The following TMPRSS11F variants were observed in gnomAD, a reference collection of about 807,000 sequenced individuals.
The protein encoded by TMPRSS11F is transmembrane protease serine 11F.
In TMPRSS11F, 47 loss-of-function variants were observed where a neutral mutation model predicts 60.2. That is an observed-to-expected ratio of 0.78 (90% CI 0.62 to 1.00). The LOEUF is 1.00. Among genes scored for constraint, TMPRSS11F ranks in the 50% least tolerant of loss-of-function variants. The pLI, the probability that TMPRSS11F is intolerant of heterozygous loss-of-function variation, is 0.00. For synonymous variants in TMPRSS11F, 166 were observed against 167.3 expected (o/e 0.99, Z 0.06); for missense variants, 519 against 522.9 (o/e 0.99, Z 0.07).
intron 1 of TMPRSS11F, among the ~76,000 whole-genome samples, chr4:68,127,452 C>T (rs1412066996): frequency 1.3e-5 from 2 of 152,010 alleles, no homozygotes; most frequent in Non-Finnish European, 2.9e-5. Flanking sequence ...TTATCTCTGC[C>T]TCACTTGCAG....
intron 2 of TMPRSS11F, among the ~76,000 whole-genome samples, chr4:68,098,062 T>G (rs1340317288): frequency 6.6e-6 from 1 of 152,128 alleles, no homozygotes; most frequent in African/African-American, 2.4e-5. Flanking sequence ...CCCAGCACTT[T>G]GGGAGGCTGG....
intron 8 of TMPRSS11F, chr4:68,062,415 A>G (rs1342589912): frequency 1.7e-6 from 1 of 595,714 alleles, no homozygotes; most frequent in African/African-American, 1.8e-5. Context: ...ATAGAACTTA[A>G]AGCATTTTGG....
In TMPRSS11F at chr4:68,072,476, G is replaced by T; in HGVS notation, c.361C>A (p.Gln121Lys). 1 of 1,546,936 alleles carries T rather than the reference G, an allele frequency of 6.5e-7. No homozygotes were observed. Among genetic ancestry groups the T allele is most frequent in the Non-Finnish European group, 8.7e-7 (1 of 1,142,876 alleles). ...AGCACTATAAGAATATCCACACCTT[G>T]TTCATCTGGACTGAAGAACAAAAAA... Reference protein sequence around the residue: ...SHVIKLSPDEQGVDILIVLIF... With the variant: ...SHVIKLSPDEKGVDILIVLIF... The change falls in exon 5 of 10, where the codon CAA (glutamine) becomes AAA (lysine). Residue 121 changes from glutamine to lysine, a missense_variant. By Grantham distance (53) the Gln-to-Lys change is moderately conservative. Coordinates refer to ENST00000356291, the MANE Select transcript of TMPRSS11F (RefSeq NM_207407.2).
At chr4:68,113,859 T>A (rs1434275817) in intron 1 of TMPRSS11F, among the ~76,000 whole-genome samples, 2 of 151,758 alleles carry the variant, frequency 1.3e-5, no homozygotes, top group Non-Finnish European at 2.9e-5. Flanking sequence ...ACAAAACTAA[T>A]AAAAAAAGAG....
At chr4:68,090,726 G>A (rs1427992320) in intron 2 of TMPRSS11F, 85 bp from the exon 3 acceptor site, 5 of 1,511,554 alleles carry the variant, frequency 3.3e-6, no homozygotes, top group Admixed American at 2.4e-5. Flanking sequence ...CTGCTAAATA[G>A]GCTACAATAA....
chr4:68,067,651 C>T (rs899746579), intron 7 of TMPRSS11F, among the ~76,000 whole-genome samples: 10 of 152,176 alleles, frequency 6.6e-5, no homozygotes, highest in Admixed American at 3.3e-4. Context: ...CCAGTTATTT[C>T]GGTAGTTGTA....
chr4:68,064,394 C>T (rs1723276071), intron 8 of TMPRSS11F, among the ~76,000 whole-genome samples: 1 of 152,010 alleles, frequency 6.6e-6, no homozygotes, highest in African/African-American at 2.4e-5. Flanking sequence ...ACCATGTTGG[C>T]CAGGTGTGTC....
chr4:68,060,104 A>C (rs976276587), intron 8 of TMPRSS11F, among the ~76,000 whole-genome samples: 1 of 152,096 alleles, frequency 6.6e-6, no homozygotes, highest in African/African-American at 2.4e-5. Flanking sequence ...AGTTAGCTGT[A>C]AGAGACTTTT....
At chr4:68,086,075 A>G (rs529683204) in intron 3 of TMPRSS11F, among the ~76,000 whole-genome samples, 100 of 152,292 alleles carry the variant, frequency 6.6e-4, no homozygotes, top group African/African-American at 2.3e-3. Context: ...CATAGAATAT[A>G]TATTTGTCTC....
At chr4:68,111,821 T>C (rs377479931) in intron 1 of TMPRSS11F, among the ~76,000 whole-genome samples, 1 of 152,174 alleles carries the variant, frequency 6.6e-6, no homozygotes, top group Non-Finnish European at 1.5e-5. Context: ...CAAGGTAAAT[T>C]TGACAAGTAT....
At chr4:68,109,340 T>C (rs535527747) in intron 1 of TMPRSS11F, among the ~76,000 whole-genome samples, 1 of 152,154 alleles carries the variant, frequency 6.6e-6, no homozygotes, top group Non-Finnish European at 1.5e-5. Flanking sequence ...TCCCACTGTT[T>C]GGCCAAACCA....
chr4:68,101,398 T>C (rs1268008244), intron 1 of TMPRSS11F, among the ~76,000 whole-genome samples: 1 of 152,178 alleles, frequency 6.6e-6, no homozygotes, highest in Non-Finnish European at 1.5e-5. Flanking sequence ...AGAAAATTGT[T>C]AAGAAATGTG....
At chr4:68,055,653 G>T (rs1723028534) in intron 9 of TMPRSS11F, among the ~76,000 whole-genome samples, 1 of 152,116 alleles carries the variant, frequency 6.6e-6, no homozygotes, top group African/African-American at 2.4e-5. Context: ...ATCTAAAGAA[G>T]AAATAATACC....
At chr4:68,070,515 G>T (rs1303240900) in intron 5 of TMPRSS11F, among the ~76,000 whole-genome samples, 1 of 152,188 alleles carries the variant, frequency 6.6e-6, no homozygotes, top group South Asian at 2.1e-4. Flanking sequence ...GTCAATGCAG[G>T]TTGATAACCT....
intron 7 of TMPRSS11F, among the ~76,000 whole-genome samples, chr4:68,066,933 C>CAA (rs550010835): frequency 1.5e-4 from 10 of 65,146 alleles, no homozygotes; most frequent in African/African-American, 1.5e-4. Context: ...GACTTCATCT[C>CAA]AAAAAAAAAA....
At position 68,064,947 on chromosome 4, in the gene TMPRSS11F, G is replaced by A; in HGVS notation, c.756-3C>T. The A allele has an allele frequency of 6.2e-7, 1 of 1,603,992 alleles. No homozygotes were observed. The highest frequency in any genetic ancestry group is 8.5e-7 in the Non-Finnish European group (1 of 1,176,334). ...TCCATTGAGTTGGGTCTTTATTTCT[G>A]CAAAAAATTAAAAAGTAATACTTGT... On this transcript the variant is annotated splice_polypyrimidine_tract_variant and splice_region_variant and intron_variant, in intron 7 of 9. Transcript: ENST00000356291.
chr4:68,057,657 CA>C (rs1327915801), intron 9 of TMPRSS11F, among the ~76,000 whole-genome samples: 2 of 151,698 alleles, frequency 1.3e-5, no homozygotes, highest in Non-Finnish European at 2.9e-5. Flanking sequence ...AACACAATAG[CA>C]AAAAACAAAA....
chr4:68,121,700 T>C (rs143481989), intron 1 of TMPRSS11F, among the ~76,000 whole-genome samples: 5 of 152,346 alleles, frequency 3.3e-5, no homozygotes, highest in Admixed American at 6.5e-5. Flanking sequence ...TGTATTTCAG[T>C]GGTATTTTGC....
Position 68,129,840 on chromosome 4 carries a change from C to CT in TMPRSS11F, c.-21dup, listed in dbSNP as rs1208504543. ...CATCATGAACCCAGGACTGGGGCAG[C>CT]TTCTATTCAGTCACCATCTGATCTG... is the stretch of plus-strand genomic sequence containing the variant. On this transcript the variant is annotated 5_prime_UTR_variant, in exon 1 of 10. Transcript: ENST00000356291. 6.2e-7 allele frequency: 1 copy of CT among 1,613,056 alleles called. No homozygotes were observed. Among genetic ancestry groups the CT allele is most frequent in the Non-Finnish European group, 8.5e-7 (1 of 1,179,310 alleles).
Sources: gnomAD v4.1 joint callset for allele counts (sites outside exome capture counted in the v4.1 genomes callset) on GRCh38, gnomAD v4.1.1 for gene constraint, MANE v1.5 for transcripts, NCBI Gene and HGNC (gene_info 2026-07-23, HGNC 2026-07-21) for gene names.